Variants in SHPRH observed in about 807,000 individuals in gnomAD.
SHPRH encodes E3 ubiquitin-protein ligase SHPRH.
SHPRH carries 106 observed loss-of-function variants against 202.5 expected under a neutral mutation model. The observed-to-expected ratio is 0.52, with a 90% CI of 0.45 to 0.62. SHPRH has a LOEUF of 0.62. SHPRH is among the 20% of genes least tolerant of loss of function. The pLI is 0.00. For synonymous variants in SHPRH, 729 were observed against 686.0 expected (o/e 1.06, Z -0.98); for missense variants, 1,710 against 2,020.0 (o/e 0.85, Z 2.94).
chr6:145,925,813 T>G (rs1784826063), intron 16 of SHPRH, among the ~76,000 whole-genome samples: 1 of 151,982 alleles, frequency 6.6e-6, no homozygotes, highest in Non-Finnish European at 1.5e-5. Context: ...AAAATTTGAC[T>G]TTATTTACCC....
Position 145,893,166 on chromosome 6 carries a change from T to C in SHPRH, c.4874+49A>G, listed in dbSNP as rs770152578. 7.2e-5 allele frequency: 104 copies of C among 1,451,070 alleles called. 1 individual carries two copies. The South Asian group carries it at 1.0e-3, about 14-fold the overall frequency. The allele number at this position is 1,451,070 out of a possible 1,614,324, so 89.9% of individuals were successfully genotyped here. ...TGAAGAGTTTAAATACTGATTTGGT[T>C]TCTCAGAAAACTGAAGCAAATGTGA... is the stretch of plus-strand genomic sequence containing the variant. On this transcript the variant is annotated intron_variant, in intron 28 of 29. Coordinates refer to ENST00000275233, the MANE Select transcript of SHPRH (RefSeq NM_001042683.3).
Position 145,952,358 on chromosome 6 carries a change from T to C in SHPRH, c.754A>G (p.Ile252Val), listed in dbSNP as rs1409517162. 11 of 1,598,728 alleles carry C rather than the reference T, an allele frequency of 6.9e-6. No individual in the cohort carries two copies. Among genetic ancestry groups the C allele is most frequent in the African/African-American group, 4.0e-5 (3 of 74,258 alleles). The change falls in exon 3 of 30, where the codon ATT (isoleucine) becomes GTT (valine). Residue 252 changes from isoleucine to valine, a missense_variant. By Grantham distance (29) the Ile-to-Val change is conservative. Around this residue, in one of 8 missense-constraint regions of SHPRH, gnomAD observed 459 missense variants for 426.5 expected, o/e 1.08. Coordinates refer to ENST00000275233, the MANE Select transcript of SHPRH (RefSeq NM_001042683.3). The stretch of plus-strand genomic sequence containing the variant: ...TTACTGTAAATATTACCTGGAATAA[T>C]AGAATTGTGTAACTTTTCCATTACT... ...KKVMEKLHNSIIPDVLEEDED... is the reference protein window; with the variant it reads ...KKVMEKLHNSVIPDVLEEDED...
At chr6:145,940,863 G>C in intron 10 of SHPRH, 62 bp from the exon 11 acceptor site, 1 of 1,552,838 alleles carries the variant, frequency 6.4e-7, no homozygotes, top group East Asian at 2.3e-5. Flanking sequence ...GAACACAGAA[G>C]TCAGGCATAC....
intron 2 of SHPRH, among the ~76,000 whole-genome samples, chr6:145,866,283 A>G (rs560850856): frequency 6.6e-6 from 1 of 152,312 alleles, no homozygotes; most frequent in Non-Finnish European, 1.5e-5. Context: ...ACGTCTATTC[A>G]TTTTTATATC....
chr6:145,895,383 G>C (rs899317569), intron 25 of SHPRH, among the ~76,000 whole-genome samples: 1 of 152,008 alleles, frequency 6.6e-6, no homozygotes, highest in Non-Finnish European at 1.5e-5. Context: ...AGAATACAAT[G>C]AATCAAAACT....
chr6:145,938,844 G>A lies in SHPRH; in HGVS notation c.2569+1879C>T, dbSNP rs528291223. Among the ~76,000 whole-genome samples, 13 of 152,282 alleles carry A rather than the reference G, an allele frequency of 8.5e-5. No homozygotes were observed. In the East Asian group the frequency reaches 2.1e-3, roughly 25 times the overall value. On this transcript the variant is annotated intron_variant, in intron 11 of 29. Coordinates refer to ENST00000275233, the MANE Select transcript of SHPRH (RefSeq NM_001042683.3). Reference sequence around the variant, plus strand: ...CAAATGAATACATTATGTAGACATAGGGTGTGGCGGGTGGAAGGAGTTAGG... The same window carrying A: ...CAAATGAATACATTATGTAGACATAAGGTGTGGCGGGTGGAAGGAGTTAGG...
At chr6:145,868,335 A>G (rs1372350128) in intron 2 of SHPRH, among the ~76,000 whole-genome samples, 1 of 152,150 alleles carries the variant, frequency 6.6e-6, no homozygotes, top group Non-Finnish European at 1.5e-5. Context: ...TGAAGTGGAG[A>G]TACAATTCAT....
At position 145,955,056 on chromosome 6, in the gene SHPRH, AAC is replaced by A. The variant is rs1788363846; in HGVS notation, c.265_266del (p.Val89TrpfsTer20). The A allele has an allele frequency of 6.2e-7, 1 of 1,613,290 alleles. No individual in the cohort carries two copies. Reference sequence around the variant, plus strand: ...TTACAGACAAAGGGGAAAAAATACCAACAGTCTCTTCTTTTTCAATTGGTTTT... The same window carrying A: ...TTACAGACAAAGGGGAAAAAATACCAAGTCTCTTCTTTTTCAATTGGTTTT... ...FSKPIEKEET[V>X]GIFSPLSVKL... is the part of the protein sequence containing the mutation. On this transcript the variant is annotated frameshift_variant, in exon 2 of 30. Coordinates refer to ENST00000275233, the MANE Select transcript of SHPRH (RefSeq NM_001042683.3). LOFTEE classifies it high-confidence loss of function.
rs71028375 is a variant in SHPRH, at chr6:145,869,819, CT to C, written c.222-5329del. On this transcript the variant is annotated intron_variant, in intron 2 of 2. Transcript: ENST00000417762. Reference sequence around the variant, plus strand: ...TTTTGGCTACCTTGGTTTTTCTTTTCTTTTTTTTTTTTTTGCCTCTCCATAT... The same window carrying C: ...TTTTGGCTACCTTGGTTTTTCTTTTCTTTTTTTTTTTTTGCCTCTCCATAT... 3.4e-3 allele frequency among the ~76,000 whole-genome samples: 453 copies of C among 134,512 alleles called. 3 individuals carry two copies. The highest frequency in any genetic ancestry group is 7.6e-3 in the African/African-American group (281 of 36,864). 88.2% of individuals were successfully genotyped at this position (134,512 alleles called of 152,430 possible). A position where few individuals can be genotyped will look rare whatever the true frequency, so the allele number is the denominator to read the frequency against.
intron 18 of SHPRH, 36 bp downstream of exon 18, chr6:145,923,607 A>G (rs6923545): frequency 0.59 from 950,818 of 1,599,528 alleles, 285,576 homozygotes; most frequent in Admixed American, 0.76. Flanking sequence ...TGCTTTTAAA[A>G]TTATGAGTAG....
rs1346951066 is a variant in SHPRH, at chr6:145,949,098, C to CT, written c.983-749dup. ...GCACGAAGCCAGTAAAAAGGGAATGCTTTTACACGGCTGATGGGAATGCAA... is the reference window on the plus strand; with the variant it reads ...GCACGAAGCCAGTAAAAAGGGAATGCTTTTTACACGGCTGATGGGAATGCAA... On this transcript the variant is annotated intron_variant, in intron 4 of 29. Coordinates refer to ENST00000275233, the MANE Select transcript of SHPRH (RefSeq NM_001042683.3). 2.0e-5 allele frequency among the ~76,000 whole-genome samples: 3 copies of CT among 151,994 alleles called. No homozygotes were observed. The East Asian group carries it at 5.8e-4, about 29-fold the overall frequency.
At position 145,891,752 on chromosome 6, in the gene SHPRH, C is replaced by T. The variant is rs556593786; in HGVS notation, c.4874+1463G>A. ...AAGAAGACACACTTAAGACAGACTC[C>T]TCAGAAAGTAGAAAAAAACATATTG... On this transcript the variant is annotated intron_variant, in intron 28 of 29. Coordinates refer to ENST00000275233, the MANE Select transcript of SHPRH (RefSeq NM_001042683.3). Among the ~76,000 whole-genome samples the T allele has an allele frequency of 3.9e-5, 6 of 152,152 alleles. No homozygotes were observed. In the South Asian group the frequency reaches 6.2e-4, roughly 16 times the overall value.
In SHPRH at chr6:145,924,553, T is replaced by C. The variant is rs1179796462; in HGVS notation, c.3402+186A>G. 3.9e-5 allele frequency among the ~76,000 whole-genome samples: 6 copies of C among 152,054 alleles called. No homozygotes were observed. In the East Asian group the frequency reaches 9.6e-4, roughly 24 times the overall value. ...TCAAAATAGTTGACTTATTTATGCA[T>C]CTGTTCACTCAACCAATAAATCATT... On this transcript the variant is annotated intron_variant, in intron 17 of 29. Transcript: ENST00000275233.
intron 25 of SHPRH, chr6:145,910,212 TA>T: frequency 2.4e-6 from 1 of 412,488 alleles, no homozygotes; most frequent in Non-Finnish European, 4.4e-6. Flanking sequence ...TGTTACATTT[TA>T]GTCACAGTGT....
chr6:145,940,886 GC>G, intron 10 of SHPRH, 85 bp from the exon 11 acceptor site: 1 of 1,355,370 alleles, frequency 7.4e-7, no homozygotes, highest in Non-Finnish European at 1.0e-6. Flanking sequence ...ATGAAAAACA[GC>G]CCATTAAAAG....
chr6:145,922,726 G>A lies in SHPRH; in HGVS notation c.3656C>T (p.Ser1219Phe). 1 of 1,612,138 alleles carries A rather than the reference G, an allele frequency of 6.2e-7. No homozygotes were observed. The highest frequency in any genetic ancestry group is 8.5e-7 in the Non-Finnish European group (1 of 1,178,840). The stretch of plus-strand genomic sequence containing the variant: ...TGTTGCAGACTCAATAACATTACGA[G>A]ATGGAGGTCCCTCCAGGTTTTTTAC... ...EAVKNLEGPP[S>F]RNVIESATVC... Residue 1219 changes from serine to phenylalanine, a missense_variant, in exon 19 of 30, where the codon TCT (serine) becomes TTT (phenylalanine). Around this residue, in one of 8 missense-constraint regions of SHPRH, gnomAD observed 288 missense variants for 317.8 expected, o/e 0.91. Coordinates refer to ENST00000275233, the MANE Select transcript of SHPRH (RefSeq NM_001042683.3).
Position 145,950,878 on chromosome 6 carries a change from T to C in SHPRH, c.764-396A>G, listed in dbSNP as rs117192421. On this transcript the variant is annotated intron_variant, in intron 3 of 29. Coordinates refer to ENST00000275233, the MANE Select transcript of SHPRH (RefSeq NM_001042683.3). ...TGACACGTAGCTGACACGTGTATTG[T>C]CTATTGTGGATGTTTTATAAACATT... 4.2e-3 allele frequency among the ~76,000 whole-genome samples: 633 copies of C among 152,202 alleles called. 18 individuals are homozygous for C. In the East Asian group the frequency reaches 0.071, roughly 17 times the overall value.
chr6:145,956,586 T>C (rs1788534315), intron 1 of SHPRH, among the ~76,000 whole-genome samples: 1 of 151,950 alleles, frequency 6.6e-6, no homozygotes, highest in Admixed American at 6.6e-5. Flanking sequence ...TGACATCAGA[T>C]GGAAATCTGG....
intron 23 of SHPRH, among the ~76,000 whole-genome samples, chr6:145,916,335 A>G (rs1783950280): frequency 6.6e-6 from 1 of 152,128 alleles, no homozygotes; most frequent in Admixed American, 6.6e-5. Flanking sequence ...CTCACAGGAA[A>G]TGCTCACTGG....
Sources: allele counts gnomAD v4.1 joint callset (sites outside exome capture counted in the v4.1 genomes callset), GRCh38; gene constraint gnomAD v4.1.1; regional missense constraint gnomAD v4.1.1; transcripts MANE v1.5; gene names NCBI Gene and HGNC (gene_info 2026-07-23, HGNC 2026-07-21).